GULP1: variants seen among roughly 807,000 people sequenced by gnomAD.
GULP1 encodes the protein PTB domain-containing engulfment adapter protein 1.
GULP1 carries 19 observed loss-of-function variants against 40.9 expected under a neutral mutation model. The observed-to-expected ratio is 0.46, with a 90% CI of 0.32 to 0.68. GULP1 has a LOEUF of 0.68. Ranked by LOEUF, GULP1 falls within the 30% of genes least tolerant of loss-of-function variation. The probability of loss-of-function intolerance (pLI) is 0.03; values close to 1 mark genes in which losing one functional copy is unlikely to be tolerated. For missense variants in GULP1, 312 were observed against 362.2 expected, an observed-to-expected ratio of 0.86 and a Z score of 1.12; for synonymous variants, 119 against 117.6, an observed-to-expected ratio of 1.01 and a Z score of -0.08.
chr2:188,406,574 T>G (rs1393880814), intron 2 of GULP1, among the ~76,000 whole-genome samples: 1 of 151,296 alleles, frequency 6.6e-6, no homozygotes. Context: ...ATTAATGAAA[T>G]AAAAAATGCA....
chr2:188,527,905 C>T (rs1302848496), intron 5 of GULP1, among the ~76,000 whole-genome samples: 2 of 152,144 alleles, frequency 1.3e-5, no homozygotes, highest in Non-Finnish European at 2.9e-5. Flanking sequence ...GTGCAAGTAA[C>T]TGTGACATAC....
intron 7 of GULP1, among the ~76,000 whole-genome samples, chr2:188,563,468 T>C (rs1457434315): frequency 6.6e-6 from 1 of 150,458 alleles, no homozygotes; most frequent in African/African-American, 2.4e-5. Flanking sequence ...AAAATCTGAA[T>C]ATATAAAATT....
At chr2:188,441,480 C>A (rs1422397673) in intron 2 of GULP1, among the ~76,000 whole-genome samples, 2 of 152,144 alleles carry the variant, frequency 1.3e-5, no homozygotes, top group Admixed American at 1.3e-4. Context: ...TGCTTGTATT[C>A]CACAGTGCTA....
chr2:188,337,937 G>A (rs372436087), intron 1 of GULP1, among the ~76,000 whole-genome samples: 40 of 152,236 alleles, frequency 2.6e-4, no homozygotes, highest in African/African-American at 8.7e-4. Flanking sequence ...CTAGATCCAT[G>A]AGATTAATTC....
intron 7 of GULP1, among the ~76,000 whole-genome samples, chr2:188,542,778 G>T (rs1420484293): frequency 6.6e-6 from 1 of 152,060 alleles, no homozygotes. Context: ...AACCATGATT[G>T]CTTGCAGATT....
intron 7 of GULP1, among the ~76,000 whole-genome samples, chr2:188,553,421 G>T (rs1187744534): frequency 1.3e-5 from 2 of 151,916 alleles, no homozygotes; most frequent in East Asian, 1.9e-4. Flanking sequence ...CTATTGAGAT[G>T]ATTATTTTTT....
At chr2:188,340,908 C>T (rs995691378) in intron 1 of GULP1, among the ~76,000 whole-genome samples, 5 of 152,052 alleles carry the variant, frequency 3.3e-5, no homozygotes, top group African/African-American at 7.2e-5. Context: ...GCCATCAAGC[C>T]GTCTCTCTGA....
intron 4 of GULP1, among the ~76,000 whole-genome samples, chr2:188,514,085 G>A (rs994536310): frequency 2.6e-5 from 4 of 151,082 alleles, no homozygotes; most frequent in Middle Eastern, 3.4e-3. Context: ...GTGTGTGTGC[G>A]CCCTGCCACT....
intron 2 of GULP1, among the ~76,000 whole-genome samples, chr2:188,476,378 A>G (rs1319296553): frequency 1.3e-5 from 2 of 152,118 alleles, no homozygotes; most frequent in Non-Finnish European, 2.9e-5. Flanking sequence ...CCTCTAGGCA[A>G]TAGTGGGCAG....
intron 2 of GULP1, among the ~76,000 whole-genome samples, chr2:188,456,230 G>T (rs1398066399): frequency 6.6e-6 from 1 of 151,304 alleles, no homozygotes; most frequent in Non-Finnish European, 1.5e-5. Flanking sequence ...ATTTGCATAA[G>T]AATGTTAATC....
intron 2 of GULP1, among the ~76,000 whole-genome samples, chr2:188,435,219 C>G (rs1333547767): frequency 6.6e-6 from 1 of 151,968 alleles, no homozygotes; most frequent in African/African-American, 2.4e-5. Context: ...TGAAAGGTAG[C>G]TTTTGGGAAT....
At chr2:188,312,765 A>T (rs1034358380) in intron 1 of GULP1, among the ~76,000 whole-genome samples, 8 of 152,090 alleles carry the variant, frequency 5.3e-5, no homozygotes, top group African/African-American at 1.7e-4. Flanking sequence ...TCCCCCCAAC[A>T]CTGTAAAAGC....
At chr2:188,351,192 A>G (rs1379268295) in intron 1 of GULP1, among the ~76,000 whole-genome samples, 1 of 152,078 alleles carries the variant, frequency 6.6e-6, no homozygotes, top group Non-Finnish European at 1.5e-5. Context: ...TATTTTTTTT[A>G]TTAGGCAGAT....
At chr2:188,445,402 T>G (rs1004362634) in intron 2 of GULP1, among the ~76,000 whole-genome samples, 1 of 152,092 alleles carries the variant, frequency 6.6e-6, no homozygotes, top group Non-Finnish European at 1.5e-5. Flanking sequence ...GGCTTATGAG[T>G]GACTAAAGCA....
At chr2:188,583,364 T>G (rs1465811241) in intron 9 of GULP1, among the ~76,000 whole-genome samples, 1 of 152,210 alleles carries the variant, frequency 6.6e-6, no homozygotes, top group Non-Finnish European at 1.5e-5. Context: ...TATGAACTAC[T>G]GGAAGCAATC....
chr2:188,585,951 C>T (rs570639390), intron 10 of GULP1, among the ~76,000 whole-genome samples: 35 of 152,238 alleles, frequency 2.3e-4, no homozygotes, highest in Non-Finnish European at 2.4e-4. Flanking sequence ...CCTTTTTAAA[C>T]GTAAGTTCTA....
Position 188,292,520 on chromosome 2 carries a change from C to T in GULP1, c.-172+354C>T, listed in dbSNP as rs1351685641. On this transcript the variant is annotated intron_variant, in intron 1 of 11. Coordinates refer to ENST00000409830, the MANE Select transcript of GULP1 (RefSeq NM_016315.4). This position sits in a 1 kb window ranked among gnomAD's most constrained non-coding sequence, Gnocchi z 4.0. ...TTTTGTGGTAACTTTGGTCCGGCGG[C>T]GGGGGGCCGGTGAGCAGGAACTGGA... 6.6e-6 allele frequency among the ~76,000 whole-genome samples: 1 copy of T among 152,060 alleles called. No individual in the cohort carries two copies. Among genetic ancestry groups the T allele is most frequent in the Non-Finnish European group, 1.5e-5 (1 of 68,010 alleles).
At position 188,382,782 on chromosome 2, in the gene GULP1, A is replaced by T. The variant is rs144443099; in HGVS notation, c.-171-981A>T. Among the ~76,000 whole-genome samples the T allele has an allele frequency of 5.8e-4, 88 of 152,326 alleles. 2 individuals carry two copies. In the East Asian group the frequency reaches 0.015, roughly 26 times the overall value. ...ACAGTTGTATTCCCAGCTACTCGGG[A>T]GGCTGAGACAGAAGAAAACAAATAC... is the stretch of plus-strand genomic sequence containing the variant. On this transcript the variant is annotated intron_variant, in intron 1 of 11. Transcript: ENST00000409830.
chr2:188,528,840 C>A (rs573639691), intron 5 of GULP1, among the ~76,000 whole-genome samples: 2 of 152,036 alleles, frequency 1.3e-5, no homozygotes, highest in Non-Finnish European at 2.9e-5. Flanking sequence ...GGTATGAATA[C>A]GTTTTTGTAA....
Sources: allele counts gnomAD v4.1 joint callset (sites outside exome capture counted in the v4.1 genomes callset), GRCh38; gene constraint gnomAD v4.1.1; non-coding constraint Gnocchi (gnomAD v3.1); transcripts MANE v1.5; gene names NCBI Gene and HGNC (gene_info 2026-07-23, HGNC 2026-07-21).